Variants in PHLDB3 observed in about 807,000 individuals in gnomAD.
The protein encoded by PHLDB3 is pleckstrin homology like domain family B member 3.
A neutral mutation model predicts 85.7 loss-of-function variants in PHLDB3; 86 were observed. That is an observed-to-expected ratio of 1.00 (90% CI 0.84 to 1.20). The LOEUF (loss-of-function observed/expected upper bound fraction) is 1.20, where lower values mean the gene tolerates loss of function less well. PHLDB3 is among the 50% of genes most tolerant of loss of function. The pLI is 0.00. For missense variants in PHLDB3, 995 were observed against 873.0 expected, an observed-to-expected ratio of 1.14 and a Z score of -1.76; for synonymous variants, 376 against 349.8, an observed-to-expected ratio of 1.07 and a Z score of -0.83.
At position 43,495,520 on chromosome 19, in the gene PHLDB3, T is replaced by A; in HGVS notation, c.926A>T (p.Glu309Val). The part of the protein sequence containing the change: ...AESRGLSRKK[E>V]EALQALSQER... ...CTGTGACAGGGCCTGAAGGGCCTCC[T>A]CCTTCTTCCGGCTCAACCCCCGGCT... Residue 309 changes from glutamate (E) to valine (V), a missense_variant, in exon 7 of 16, where the codon GAG (glutamate) becomes GTG (valine). Transcript: ENST00000292140. 6.2e-7 allele frequency: 1 copy of A among 1,606,604 alleles called. No homozygotes were observed. The highest frequency in any genetic ancestry group is 8.5e-7 in the Non-Finnish European group (1 of 1,176,576).
At position 43,487,585 on chromosome 19, in the gene PHLDB3, A is replaced by AAAAAAC. The variant is rs1555754916; in HGVS notation, c.1150-463_1150-462insGTTTTT. Among the ~76,000 whole-genome samples the AAAAAAC allele has an allele frequency of 4.0e-4, 56 of 141,702 alleles. 2 individuals carry two copies. The highest frequency in any genetic ancestry group is 1.3e-3 in the African/African-American group (48 of 37,552). The allele number at this position is 141,702 out of a possible 152,430, so 93.0% of individuals were successfully genotyped here. A position where few individuals can be genotyped will look rare whatever the true frequency, so the allele number is the denominator to read the frequency against. ...GCAAGACTCTGTCTCAAAAAAAAAAAAAAAAAACACAGAAAAGAAAAAAAG... is the reference window on the plus strand; with the variant it reads ...GCAAGACTCTGTCTCAAAAAAAAAAAAAAAACAAAAAAACACAGAAAAGAAAAAAAG... On this transcript the variant is annotated intron_variant, in intron 9 of 15. Transcript: ENST00000292140.
Position 43,475,435 on chromosome 19 carries a change from G to T in PHLDB3, c.1898C>A (p.Ala633Asp). Residue 633 changes from alanine to aspartate, a missense_variant, in exon 16 of 16, where the codon GCC (alanine) becomes GAC (aspartate). Coordinates refer to ENST00000292140, the MANE Select transcript of PHLDB3 (RefSeq NM_198850.4). Reference sequence around the variant, plus strand: ...TCAGGGGGCGTGGTTTTCGTCAGCGGCGGTCACGATGACGTCCATCCAAAT... The same window carrying T: ...TCAGGGGGCGTGGTTTTCGTCAGCGTCGGTCACGATGACGTCCATCCAAAT... ...MRIWMDVIVT[A>D]ADENHAP The T allele has an allele frequency of 3.1e-6, 5 of 1,613,964 alleles. No homozygotes were observed. The highest frequency in any genetic ancestry group is 4.2e-6 in the Non-Finnish European group (5 of 1,179,848).
At chr19:43,493,844 T>G (rs186626212) in intron 9 of PHLDB3, among the ~76,000 whole-genome samples, 4 of 152,118 alleles carry the variant, frequency 2.6e-5, no homozygotes, top group Non-Finnish European at 5.9e-5. Flanking sequence ...AGGTTGAATA[T>G]CCCTTCTCCA....
intron 9 of PHLDB3, among the ~76,000 whole-genome samples, 171 bp downstream of exon 9, chr19:43,494,531 G>A (rs945986310): frequency 6.6e-6 from 1 of 152,068 alleles, no homozygotes; most frequent in African/African-American, 2.4e-5. Context: ...CAATAATAAA[G>A]CTGGAGTCAT....
In PHLDB3 at chr19:43,495,321, C is replaced by G; in HGVS notation, c.970G>C (p.Glu324Gln). The G allele has an allele frequency of 6.2e-7, 1 of 1,613,548 alleles. No homozygotes were observed. Among genetic ancestry groups the G allele is most frequent in the Non-Finnish European group, 8.5e-7 (1 of 1,179,732 alleles). The part of the protein sequence containing the change: ...ALSQERSRLL[E>Q]LNCLQGTPGG... Reference sequence around the variant, plus strand: ...GGTGTTCCCTGAAGGCAATTGAGCTCGAGCAGCCGGCTCCGTTCCTACCAG... The same window carrying G: ...GGTGTTCCCTGAAGGCAATTGAGCTGGAGCAGCCGGCTCCGTTCCTACCAG... Residue 324 changes from glutamate to glutamine, a missense_variant, in exon 8 of 16, where the codon GAG (glutamate) becomes CAG (glutamine). By Grantham distance (29) the Glu-to-Gln change is conservative. Transcript: ENST00000292140.
intron 13 of PHLDB3, among the ~76,000 whole-genome samples, chr19:43,484,254 A>G (rs76496855): frequency 6.8e-6 from 1 of 146,126 alleles, no homozygotes; most frequent in African/African-American, 2.5e-5. Context: ...CCATCTTGGA[A>G]AAAAAAAAAA....
intron 9 of PHLDB3, among the ~76,000 whole-genome samples, chr19:43,490,470 T>C (rs1971288156): frequency 6.6e-6 from 1 of 152,000 alleles, no homozygotes; most frequent in South Asian, 2.1e-4. Flanking sequence ...GGAGAATCGC[T>C]TGAGTCTGGG....
intron 4 of PHLDB3, among the ~76,000 whole-genome samples, chr19:43,498,616 C>T (rs1243246449): frequency 1.3e-5 from 2 of 152,106 alleles, no homozygotes; most frequent in Non-Finnish European, 2.9e-5. Context: ...AGTGGGAACA[C>T]AGCCAGTTGG....
At chr19:43,504,223 C>CT (rs1971698519) in intron 1 of PHLDB3, 91 bp from the exon 2 acceptor site, 4 of 1,181,482 alleles carry the variant, frequency 3.4e-6, no homozygotes, top group Non-Finnish European at 3.5e-6. Context: ...GAGACCCCCC[C>CT]CCAAGGAGGC....
rs1379024215 is a variant in PHLDB3 at position 43,497,899 on chromosome 19, A to AC, written c.535-24dup. ...TTCCTGAAAGAACAACAAGGTTCTC[A>AC]CCCTCAGCTTAAGCATAGCGGGAGA... On this transcript the variant is annotated intron_variant, in intron 4 of 15. Coordinates refer to ENST00000292140, the MANE Select transcript of PHLDB3 (RefSeq NM_198850.4). The AC allele has an allele frequency of 2.5e-6, 4 of 1,583,130 alleles. No homozygotes were observed. In the African/African-American group the frequency reaches 5.4e-5, roughly 21 times the overall value.
intron 13 of PHLDB3, among the ~76,000 whole-genome samples, chr19:43,480,264 TAAAAAAAAAAAAAAAA>T (rs57417757): frequency 2.8e-5 from 2 of 71,608 alleles, no homozygotes; most frequent in Non-Finnish European, 5.0e-5. Flanking sequence ...CTTCTCTATT[TAAAAAAAAAAAAAAAA>T]AAAAAAAAAA....
rs200605427 is a variant in PHLDB3, at chr19:43,486,267, G to C, written c.1484C>G (p.Thr495Arg). 6.2e-7 allele frequency: 1 copy of C among 1,610,242 alleles called. No homozygotes were observed. The highest frequency in any genetic ancestry group is 1.3e-5 in the African/African-American group (1 of 74,894). ...GSSGPAVPAI[T>R]APPTPPHPPG... is the part of the protein sequence containing the mutation. ...CGTGAGGGCGGGGGTGGGACTGACCGTGATGGCAGGAACAGCAGGGCCTGA... is the reference window on the plus strand; with the variant it reads ...CGTGAGGGCGGGGGTGGGACTGACCCTGATGGCAGGAACAGCAGGGCCTGA... The change falls in exon 13 of 16, where the codon ACG (threonine) becomes AGG (arginine). Residue 495 changes from threonine to arginine, a missense_variant and splice_region_variant. Thr to Arg is a moderately conservative substitution (Grantham distance 71). Coordinates refer to ENST00000292140, the MANE Select transcript of PHLDB3 (RefSeq NM_198850.4).
At position 43,486,325 on chromosome 19, in the gene PHLDB3, G is replaced by C; in HGVS notation, c.1429-3C>G. The C allele has an allele frequency of 1.2e-6, 2 of 1,604,128 alleles. No individual in the cohort carries two copies. Among genetic ancestry groups the C allele is most frequent in the Non-Finnish European group, 1.7e-6 (2 of 1,175,840 alleles). ...TCCGTGCCCCTTCTTGTTCCTTCCT[G>C]TGGATTCAGGATGAAGCACTCAATG... On this transcript the variant is annotated splice_region_variant and splice_polypyrimidine_tract_variant and intron_variant, in intron 12 of 15. Coordinates refer to ENST00000292140, the MANE Select transcript of PHLDB3 (RefSeq NM_198850.4).
intron 9 of PHLDB3, among the ~76,000 whole-genome samples, chr19:43,494,036 TTTTG>T (rs1009994175): frequency 6.6e-6 from 1 of 152,148 alleles, no homozygotes; most frequent in Non-Finnish European, 1.5e-5. Context: ...TAGGGATTTT[TTTTG>T]TTTGTTTTTT....
intron 9 of PHLDB3, among the ~76,000 whole-genome samples, chr19:43,493,292 A>AAATAAATG (rs1971363029): frequency 6.7e-6 from 1 of 149,056 alleles, no homozygotes; most frequent in Non-Finnish European, 1.5e-5. Flanking sequence ...ATAAATAAAT[A>AAATAAATG]AATAAATAAA....
intron 13 of PHLDB3, among the ~76,000 whole-genome samples, chr19:43,481,793 C>CAA (rs201871531): frequency 1.8e-5 from 2 of 110,108 alleles, no homozygotes; most frequent in Non-Finnish European, 1.9e-5. Context: ...GACCATGTCT[C>CAA]AAAAAAAAAA....
intron 13 of PHLDB3, among the ~76,000 whole-genome samples, chr19:43,480,941 AAAT>A (rs1971032728): frequency 6.6e-6 from 1 of 152,166 alleles, no homozygotes; most frequent in African/African-American, 2.4e-5. Flanking sequence ...TATTCTTCCC[AAAT>A]AATCCCTGCA....
Position 43,501,847 on chromosome 19 carries a change from G to T in PHLDB3, c.421C>A (p.Arg141=), listed in dbSNP as rs528341029. The T allele has an allele frequency of 1.9e-6, 3 of 1,592,030 alleles. No individual in the cohort carries two copies. The South Asian group carries it at 3.4e-5, about 18-fold the overall frequency. Residue 141 remains arginine (R), a synonymous_variant, in exon 4 of 16, where the codon CGG becomes AGG. Transcript: ENST00000292140. ...IEMEVEVALL[R]GELAGERVAA... ...ACTCGCTCCCCAGCCAGCTCACCCCGCAGCAAGGCCACCTCCACCTCCATC... is the reference window on the plus strand; with the variant it reads ...ACTCGCTCCCCAGCCAGCTCACCCCTCAGCAAGGCCACCTCCACCTCCATC...
At chr19:43,492,376 G>A (rs1002039806) in intron 9 of PHLDB3, among the ~76,000 whole-genome samples, 2 of 151,952 alleles carry the variant, frequency 1.3e-5, no homozygotes. Flanking sequence ...ATGAGCTGAC[G>A]CACACTGTTA....
Sources: gnomAD v4.1 joint callset for allele counts (sites outside exome capture counted in the v4.1 genomes callset) on GRCh38, gnomAD v4.1.1 for gene constraint, MANE v1.5 for transcripts, NCBI Gene and HGNC (gene_info 2026-07-23, HGNC 2026-07-21) for gene names.